Variants in SLC44A5 observed in about 807,000 individuals in gnomAD.
SLC44A5 encodes the protein choline transporter-like protein 5.
SLC44A5 carries 57 observed loss-of-function variants against 101.8 expected under a neutral mutation model. The ratio of observed to expected loss-of-function variants is 0.56; its 90% CI spans 0.45 to 0.70. The LOEUF is 0.70. Ranked by LOEUF, SLC44A5 falls within the 30% of genes least tolerant of loss-of-function variation. The pLI is 0.00. For synonymous variants in SLC44A5, 281 were observed against 290.9 expected, an observed-to-expected ratio of 0.97 and a Z score of 0.35; for missense variants, 737 against 853.1, an observed-to-expected ratio of 0.86 and a Z score of 1.70.
chr1:75,525,171 C>T (rs1333827873), intron 2 of SLC44A5, among the ~76,000 whole-genome samples: 1 of 152,102 alleles, frequency 6.6e-6, no homozygotes, highest in Non-Finnish European at 1.5e-5. Context: ...TTGAGATACT[C>T]ACAAGGTGCT....
chr1:75,608,208 AAAAC>A (rs1675439686), intron 1 of SLC44A5, among the ~76,000 whole-genome samples: 1 of 151,964 alleles, frequency 6.6e-6, no homozygotes. Context: ...AAAACAAAAA[AAAAC>A]AAATAACCCA....
chr1:75,568,892 C>T (rs902250491), intron 1 of SLC44A5, among the ~76,000 whole-genome samples: 1 of 152,202 alleles, frequency 6.6e-6, no homozygotes, highest in Non-Finnish European at 1.5e-5. Flanking sequence ...TCATTTATCA[C>T]CAATCTCCAT....
At chr1:75,330,106 TACACACAC>T (rs59962302) in intron 4 of SLC44A5, among the ~76,000 whole-genome samples, 58 of 128,648 alleles carry the variant, frequency 4.5e-4, no homozygotes, top group African/African-American at 1.5e-3. Flanking sequence ...TATATATATA[TACACACAC>T]ACACACACAC....
intron 1 of SLC44A5, among the ~76,000 whole-genome samples, chr1:75,570,534 C>A (rs1673019315): frequency 6.6e-6 from 1 of 152,132 alleles, no homozygotes; most frequent in South Asian, 2.1e-4. Flanking sequence ...GGGACTGATG[C>A]AAGTCTGTTT....
At chr1:75,213,497 C>A (rs1646899619) in intron 22 of SLC44A5, among the ~76,000 whole-genome samples, 1 of 152,072 alleles carries the variant, frequency 6.6e-6, no homozygotes, top group Admixed American at 6.6e-5. Context: ...GATAATCTCT[C>A]TCTCTCTCCC....
At chr1:75,402,823 G>A (rs1662582791) in intron 2 of SLC44A5, among the ~76,000 whole-genome samples, 1 of 152,076 alleles carries the variant, frequency 6.6e-6, no homozygotes, top group South Asian at 2.1e-4. Flanking sequence ...CCCCAGTGGT[G>A]CCTGGAATGC....
At chr1:75,315,977 C>CTCA (rs940893669) in intron 4 of SLC44A5, among the ~76,000 whole-genome samples, 38 of 152,288 alleles carry the variant, frequency 2.5e-4, no homozygotes, top group African/African-American at 8.9e-4. Context: ...AGGTTGAAGC[C>CTCA]TCATCATCTC....
At chr1:75,581,592 G>A (rs1043213887) in intron 1 of SLC44A5, among the ~76,000 whole-genome samples, 1 of 152,170 alleles carries the variant, frequency 6.6e-6, no homozygotes, top group African/African-American at 2.4e-5. Context: ...GTGGGAAAGG[G>A]GTACAGTATT....
chr1:75,635,337 A>C, the SLC44A5 span, among the ~76,000 whole-genome samples: 16 of 152,060 alleles, frequency 1.1e-4, no homozygotes, highest in Admixed American at 6.6e-4. Flanking sequence ...ATAAATCATG[A>C]TGCTATAAAG....
chr1:75,282,749 ACTT>A (rs986890543), intron 5 of SLC44A5, among the ~76,000 whole-genome samples: 8 of 152,100 alleles, frequency 5.3e-5, no homozygotes, highest in African/African-American at 1.7e-4. Flanking sequence ...TTTGCTCTGC[ACTT>A]CTTCTTCCTG....
chr1:75,558,456 G>A (rs1405110975), intron 1 of SLC44A5, among the ~76,000 whole-genome samples: 2 of 152,064 alleles, frequency 1.3e-5, no homozygotes, highest in South Asian at 2.1e-4. Context: ...TTCAAGCACA[G>A]TTCACTGCTT....
chr1:75,463,766 A>C (rs2101703617), intron 2 of SLC44A5, among the ~76,000 whole-genome samples: 1 of 152,346 alleles, frequency 6.6e-6, no homozygotes, highest in East Asian at 1.9e-4. Flanking sequence ...AATCATCTGA[A>C]GTTACAAAAC....
At chr1:75,672,321 G>A in the SLC44A5 span, among the ~76,000 whole-genome samples, 1 of 152,048 alleles carries the variant, frequency 6.6e-6, no homozygotes, top group Non-Finnish European at 1.5e-5. Context: ...TGTAAGATTT[G>A]CATTGGAATT....
intron 2 of SLC44A5, among the ~76,000 whole-genome samples, chr1:75,431,302 C>A (rs1664599081): frequency 6.6e-6 from 1 of 152,090 alleles, no homozygotes; most frequent in African/African-American, 2.4e-5. Flanking sequence ...CTTCTATAAA[C>A]CCTCAGTGGT....
chr1:75,479,670 T>C (rs867668145), intron 2 of SLC44A5, among the ~76,000 whole-genome samples: 1 of 152,242 alleles, frequency 6.6e-6, no homozygotes, highest in Admixed American at 6.5e-5. Context: ...ATAAATTCCT[T>C]GACACATACA....
At chr1:75,529,308 T>C (rs1670594437) in intron 2 of SLC44A5, among the ~76,000 whole-genome samples, 1 of 152,230 alleles carries the variant, frequency 6.6e-6, no homozygotes, top group Non-Finnish European at 1.5e-5. Flanking sequence ...CTTTGGGATA[T>C]GGGACAGTTG....
At chr1:75,682,649 A>T in the SLC44A5 span, among the ~76,000 whole-genome samples, 2 of 151,896 alleles carry the variant, frequency 1.3e-5, no homozygotes, top group African/African-American at 4.8e-5. Flanking sequence ...AACCATAAAA[A>T]CCCTAGAAGA....
At chr1:75,692,115 A>G in the SLC44A5 span, among the ~76,000 whole-genome samples, 4 of 152,052 alleles carry the variant, frequency 2.6e-5, no homozygotes, top group Non-Finnish European at 5.9e-5. Context: ...TGGGAAAACC[A>G]CAAGTAAAAA....
intron 4 of SLC44A5, among the ~76,000 whole-genome samples, chr1:75,306,264 A>G (rs1654891265): frequency 6.6e-6 from 1 of 152,146 alleles, no homozygotes; most frequent in South Asian, 2.1e-4. Context: ...AAGTTTACTG[A>G]CCTCTGACCT....
Sources: allele counts gnomAD v4.1 joint callset (sites outside exome capture counted in the v4.1 genomes callset), GRCh38; gene constraint gnomAD v4.1.1; transcripts MANE v1.5; gene names NCBI Gene and HGNC (gene_info 2026-07-23, HGNC 2026-07-21).